The following FRMD3 variants were observed in gnomAD, a reference collection of about 807,000 sequenced individuals.
FRMD3 encodes FERM domain containing 3, also known as FERM domain-containing protein 3.
Under a neutral mutation model 70.2 loss-of-function variants are expected in FRMD3, and 33 were observed. The ratio of observed to expected loss-of-function variants is 0.47; its 90% confidence interval spans 0.36 to 0.63. The LOEUF is 0.63. Among genes scored for constraint, FRMD3 ranks in the 20% least tolerant of loss-of-function variants. FRMD3 has a pLI of 0.00. For synonymous variants in FRMD3, 279 were observed against 255.9 expected, an observed-to-expected ratio of 1.09 and a Z score of -0.86; for missense variants, 632 against 711.4, an observed-to-expected ratio of 0.89 and a Z score of 1.27.
chr9:83,580,258 C>T, the FRMD3 span, among the ~76,000 whole-genome samples: 1 of 152,008 alleles, frequency 6.6e-6, no homozygotes, highest in Non-Finnish European at 1.5e-5. Context: ...GAACTCTGTA[C>T]AATCCGGTAC....
At chr9:83,552,309 T>C in the FRMD3 span, among the ~76,000 whole-genome samples, 3 of 152,202 alleles carry the variant, frequency 2.0e-5, no homozygotes, top group Non-Finnish European at 4.4e-5. Context: ...TGTTGATCTT[T>C]ATTTTTATTG....
At position 83,477,517 on chromosome 9, in the gene FRMD3, G is replaced by A. The variant is rs145671023; in HGVS notation, c.147+60568C>T. ...CAGCCTGTCTGGGCCACTGGGATTT[G>A]CAAAGCTCCCCAGGTAATTATAATG... is the stretch of plus-strand genomic sequence containing the variant. On this transcript the variant is annotated intron_variant, in intron 1 of 13. Transcript: ENST00000304195. 7.9e-3 allele frequency among the ~76,000 whole-genome samples: 1,204 copies of A among 152,220 alleles called. 20 individuals are homozygous for A. The highest frequency in any genetic ancestry group is 8.7e-3 in the Non-Finnish European group (589 of 68,020).
At chr9:83,310,417 A>G in intron 9 of FRMD3, 68 bp downstream of exon 9, 3 of 1,237,842 alleles carry the variant, frequency 2.4e-6, no homozygotes, top group South Asian at 2.6e-5. Flanking sequence ...TACTAAAGGC[A>G]TATTTTACTC....
intron 2 of FRMD3, among the ~76,000 whole-genome samples, chr9:83,387,047 T>C (rs1434159930): frequency 6.6e-6 from 1 of 152,142 alleles, no homozygotes; most frequent in African/African-American, 2.4e-5. Context: ...GTCATGTTTC[T>C]CCACTATAGA....
chr9:83,460,563 T>C (rs1008032569), intron 1 of FRMD3, among the ~76,000 whole-genome samples: 5 of 152,226 alleles, frequency 3.3e-5, no homozygotes, highest in Non-Finnish European at 5.9e-5. Context: ...TGTGTCCAGT[T>C]CCATAATTTT....
intron 1 of FRMD3, among the ~76,000 whole-genome samples, chr9:83,421,670 T>TA (rs1488526895): frequency 6.6e-6 from 1 of 152,196 alleles, no homozygotes; most frequent in Non-Finnish European, 1.5e-5. Context: ...GGCAGTCAGG[T>TA]AAACATTCTT....
Position 83,469,540 on chromosome 9 carries a change from T to C in FRMD3, c.147+68545A>G, listed in dbSNP as rs148331210. 5.4e-3 allele frequency among the ~76,000 whole-genome samples: 826 copies of C among 152,370 alleles called. 3 individuals are homozygous for C. The highest frequency in any genetic ancestry group is 0.01 in the Middle Eastern group (3 of 294). On this transcript the variant is annotated intron_variant, in intron 1 of 13. Transcript: ENST00000304195. The stretch of plus-strand genomic sequence containing the variant: ...AGAAAAAGGAGTCATCTCTTATTCA[T>C]GAGGCTATCACTCACTTGTGGAGGA...
intron 1 of FRMD3, among the ~76,000 whole-genome samples, chr9:83,402,147 C>G (rs1462739402): frequency 1.3e-5 from 2 of 150,862 alleles, no homozygotes; most frequent in East Asian, 3.9e-4. Context: ...TGTGAGTATA[C>G]AGCTCCAAGA....
At chr9:83,473,521 C>G (rs778330900) in intron 1 of FRMD3, among the ~76,000 whole-genome samples, 17 of 152,180 alleles carry the variant, frequency 1.1e-4, no homozygotes, top group Admixed American at 7.2e-4. Context: ...TTCGTAGAAA[C>G]AGAAAGTACA....
At chr9:83,530,532 T>C (rs530931116) in intron 1 of FRMD3, among the ~76,000 whole-genome samples, 2 of 152,198 alleles carry the variant, frequency 1.3e-5, no homozygotes, top group African/African-American at 2.4e-5. Context: ...AAGGTTCATT[T>C]TGGGGATGAT....
In FRMD3 at chr9:83,247,151, TTGA is replaced by T; in HGVS notation, c.*764_*766del. 1 of 985,368 alleles carries T rather than the reference TTGA, an allele frequency of 1.0e-6. No homozygotes were observed. The highest frequency in any genetic ancestry group is 1.2e-6 in the Non-Finnish European group (1 of 829,848). The allele number at this position is 985,368 out of a possible 1,614,324, so 61.0% of individuals were successfully genotyped here. ...GAAAAATGGACCACCCTGAGTCCAC[TTGA>T]TGCTCTCAGTTTCTACATCCTCCAG... On this transcript the variant is annotated 3_prime_UTR_variant, in exon 14 of 14. Coordinates refer to ENST00000304195, the MANE Select transcript of FRMD3 (RefSeq NM_174938.6).
At chr9:83,585,070 G>A in the FRMD3 span, among the ~76,000 whole-genome samples, 8 of 152,224 alleles carry the variant, frequency 5.3e-5, no homozygotes, top group South Asian at 2.1e-4. Flanking sequence ...GGAGCCTCTC[G>A]GGGAGACTGG....
intron 1 of FRMD3, among the ~76,000 whole-genome samples, chr9:83,423,366 G>A (rs968808071): frequency 5.3e-5 from 8 of 152,052 alleles, no homozygotes. Context: ...AGTCATAGAT[G>A]AGGACCCCAG....
the FRMD3 span, among the ~76,000 whole-genome samples, chr9:83,577,423 T>C: frequency 6.6e-5 from 10 of 152,076 alleles, no homozygotes; most frequent in African/African-American, 1.9e-4. Flanking sequence ...GGTCAACTGA[T>C]TTCAACAGAA....
At chr9:83,512,458 G>A (rs1224937257) in intron 1 of FRMD3, among the ~76,000 whole-genome samples, 2 of 152,188 alleles carry the variant, frequency 1.3e-5, no homozygotes, top group Non-Finnish European at 2.9e-5. Context: ...TTAGAGAGAA[G>A]ACTCACATAG....
intron 6 of FRMD3, among the ~76,000 whole-genome samples, chr9:83,326,470 A>T (rs916902731): frequency 2.0e-5 from 3 of 152,214 alleles, no homozygotes; most frequent in East Asian, 3.8e-4. Flanking sequence ...AATGTCATAC[A>T]CAGGGAAAAA....
chr9:83,243,057 T>C, downstream of FRMD3: 1 of 745,084 alleles, frequency 1.3e-6, no homozygotes, highest in Admixed American at 2.3e-5. Flanking sequence ...CTAAGCAAGG[T>C]TCCTTTCTTC....
the FRMD3 span, among the ~76,000 whole-genome samples, chr9:83,554,544 G>C: frequency 6.6e-6 from 1 of 152,232 alleles, no homozygotes; most frequent in East Asian, 1.9e-4. Context: ...TTCCTTGTCT[G>C]GTGACAAGCC....
intron 1 of FRMD3, among the ~76,000 whole-genome samples, chr9:83,424,315 T>C (rs1048993216): frequency 1.3e-5 from 2 of 152,350 alleles, no homozygotes; most frequent in Admixed American, 6.5e-5. Context: ...CAGAATCACT[T>C]TCCCTTGTCT....
Sources: allele counts gnomAD v4.1 joint callset (sites outside exome capture counted in the v4.1 genomes callset), GRCh38; gene constraint gnomAD v4.1.1; transcripts MANE v1.5; gene names NCBI Gene and HGNC (gene_info 2026-07-23, HGNC 2026-07-21).